PCSK5: variants seen among roughly 807,000 people sequenced by gnomAD.
PCSK5 encodes the protein proprotein convertase subtilisin/kexin type 5, also known as prohormone convertase 5.
Under a neutral mutation model 233.2 loss-of-function variants are expected in PCSK5, and 129 were observed. The ratio of observed to expected loss-of-function variants is 0.55; its 90% CI spans 0.48 to 0.64. The LOEUF (loss-of-function observed/expected upper bound fraction) is 0.64. PCSK5 is among the 30% of genes least tolerant of loss of function. The probability of loss-of-function intolerance (pLI) is 0.00; values close to 1 mark genes in which losing one functional copy is unlikely to be tolerated. For missense variants in PCSK5, 2,076 were observed against 2,430.1 expected, an observed-to-expected ratio of 0.85 and a Z score of 3.06; for synonymous variants, 825 against 879.2, an observed-to-expected ratio of 0.94 and a Z score of 1.09.
chr9:76,262,116 C>T (rs1448590318), intron 24 of PCSK5, among the ~76,000 whole-genome samples: 4 of 152,108 alleles, frequency 2.6e-5, no homozygotes, highest in Admixed American at 2.0e-4. Context: ...AGCTTTTGCC[C>T]ATTCAGTATG....
chr9:75,902,213 C>CAAAAAAAAAA (rs1826066953), intron 1 of PCSK5, among the ~76,000 whole-genome samples: 1 of 38,414 alleles, frequency 2.6e-5, no homozygotes, highest in African/African-American at 1.9e-4. Flanking sequence ...GAGACACCAT[C>CAAAAAAAAAA]TAAAAAAAAA....
chr9:75,932,740 A>G (rs1459742913), intron 2 of PCSK5, among the ~76,000 whole-genome samples: 1 of 152,090 alleles, frequency 6.6e-6, no homozygotes, highest in Non-Finnish European at 1.5e-5. Flanking sequence ...GAGAGGTGAG[A>G]GGGGAATAGG....
intron 24 of PCSK5, among the ~76,000 whole-genome samples, chr9:76,290,186 C>A (rs1201878137): frequency 6.6e-6 from 1 of 152,168 alleles, no homozygotes; most frequent in Admixed American, 6.5e-5. Context: ...AATATGGATG[C>A]AAAAATAGAC....
At position 76,184,659 on chromosome 9, in the gene PCSK5, CT is replaced by C. The variant is rs771877646; in HGVS notation, c.2198-6del. 80 of 1,557,856 alleles carry C rather than the reference CT, an allele frequency of 5.1e-5. No individual in the cohort carries two copies. Among genetic ancestry groups the C allele is most frequent in the Non-Finnish European group, 6.0e-5 (68 of 1,134,438 alleles). ...TTGACCAACTGATTTACAACTTTCT[CT>C]TTTTTTTAACAGAGAAAAATCTTTG... is the stretch of plus-strand genomic sequence containing the variant. On this transcript the variant is annotated splice_polypyrimidine_tract_variant and intron_variant, in intron 16 of 37. Coordinates refer to ENST00000674117, the MANE Select transcript of PCSK5 (RefSeq NM_001372043.1).
At chr9:76,033,759 G>T (rs1828742697) in intron 5 of PCSK5, among the ~76,000 whole-genome samples, 1 of 152,146 alleles carries the variant, frequency 6.6e-6, no homozygotes, top group African/African-American at 2.4e-5. Context: ...TCATGAGATG[G>T]TGCCTTCTTG....
chr9:76,001,562 C>T (rs527650979), intron 3 of PCSK5, among the ~76,000 whole-genome samples: 9 of 137,312 alleles, frequency 6.6e-5, no homozygotes, highest in Non-Finnish European at 1.5e-5. Flanking sequence ...ATATGCATTA[C>T]TCTAGCTTGC....
chr9:76,342,908 G>T (rs1390732989), intron 35 of PCSK5, among the ~76,000 whole-genome samples: 2 of 152,002 alleles, frequency 1.3e-5, no homozygotes, highest in East Asian at 3.9e-4. Context: ...CCCAAATCCT[G>T]CCAAACCTAC....
At chr9:76,000,491 T>C (rs527621835) in intron 3 of PCSK5, among the ~76,000 whole-genome samples, 35 of 152,352 alleles carry the variant, frequency 2.3e-4, no homozygotes, top group Middle Eastern at 3.4e-3. Context: ...ACACTCATTC[T>C]GTTATTTCTT....
rs181862697 is a variant in PCSK5 at position 76,277,670 on chromosome 9, T to C, written c.3143-14563T>C. Among the ~76,000 whole-genome samples, 16 of 152,330 alleles carry C rather than the reference T, an allele frequency of 1.1e-4. No individual in the cohort carries two copies. The East Asian group carries it at 3.1e-3, about 29-fold the overall frequency. ...TGAGGACAACATGATTGAAAATCACTAGCAAACCCCCAACCAAATACTTTG... is the reference window on the plus strand; with the variant it reads ...TGAGGACAACATGATTGAAAATCACCAGCAAACCCCCAACCAAATACTTTG... On this transcript the variant is annotated intron_variant, in intron 24 of 37. Coordinates refer to ENST00000674117, the MANE Select transcript of PCSK5 (RefSeq NM_001372043.1).
At chr9:76,309,376 C>G (rs546323058) in intron 29 of PCSK5, among the ~76,000 whole-genome samples, 1 of 152,126 alleles carries the variant, frequency 6.6e-6, no homozygotes, top group African/African-American at 2.4e-5. Flanking sequence ...GAATATTTTA[C>G]TTAAATGGTA....
intron 7 of PCSK5, among the ~76,000 whole-genome samples, chr9:76,088,633 A>G (rs1831158980): frequency 6.6e-6 from 1 of 152,138 alleles, no homozygotes; most frequent in Non-Finnish European, 1.5e-5. Context: ...CATATAATTA[A>G]TTTCCCTAAC....
chr9:75,976,680 T>C (rs1204950457), intron 2 of PCSK5, among the ~76,000 whole-genome samples: 1 of 151,922 alleles, frequency 6.6e-6, no homozygotes, highest in African/African-American at 2.4e-5. Context: ...ATGGGTAGTC[T>C]TAAATTTAAA....
intron 26 of PCSK5, among the ~76,000 whole-genome samples, chr9:76,296,092 T>C (rs2131414176): frequency 6.6e-6 from 1 of 152,276 alleles, no homozygotes; most frequent in African/African-American, 2.4e-5. Flanking sequence ...AAGTGTTGGA[T>C]TTTTTTAGAT....
At chr9:75,900,854 C>T (rs975227576) in intron 1 of PCSK5, among the ~76,000 whole-genome samples, 1 of 151,924 alleles carries the variant, frequency 6.6e-6, no homozygotes, top group Non-Finnish European at 1.5e-5. Context: ...AATTACACAC[C>T]TATCCTTCCA....
At chr9:76,015,927 C>G (rs1022233026) in intron 3 of PCSK5, among the ~76,000 whole-genome samples, 1 of 152,210 alleles carries the variant, frequency 6.6e-6, no homozygotes, top group Non-Finnish European at 1.5e-5. Flanking sequence ...CTTGTATTCT[C>G]CAGCTATACT....
chr9:76,184,169 A>G (rs921621257), intron 16 of PCSK5, among the ~76,000 whole-genome samples: 1 of 152,304 alleles, frequency 6.6e-6, no homozygotes, highest in South Asian at 2.1e-4. Context: ...GAAATAAGCA[A>G]TCCTTACCCT....
intron 2 of PCSK5, among the ~76,000 whole-genome samples, chr9:75,965,239 C>G (rs1434882112): frequency 6.9e-6 from 1 of 145,754 alleles, no homozygotes; most frequent in Non-Finnish European, 1.5e-5. Flanking sequence ...TGTTTACATC[C>G]TATATATGTG....
At chr9:76,246,302 A>G (rs1044652097) in intron 24 of PCSK5, among the ~76,000 whole-genome samples, 23 of 136,828 alleles carry the variant, frequency 1.7e-4, no homozygotes, top group Non-Finnish European at 1.7e-4. Flanking sequence ...AGATTGCGCC[A>G]CTGCACTCCA....
intron 24 of PCSK5, among the ~76,000 whole-genome samples, chr9:76,267,064 C>T (rs796720079): frequency 2.0e-5 from 3 of 152,194 alleles, no homozygotes; most frequent in African/African-American, 7.2e-5. Context: ...GAATGAAGGC[C>T]CCTGGAGGGC....
Sources: gnomAD v4.1 joint callset for allele counts (sites outside exome capture counted in the v4.1 genomes callset) on GRCh38, gnomAD v4.1.1 for gene constraint, MANE v1.5 for transcripts, NCBI Gene and HGNC (gene_info 2026-07-23, HGNC 2026-07-21) for gene names.